The following EPM2A variants were observed in gnomAD, a reference collection of about 807,000 sequenced individuals.
The protein encoded by EPM2A is laforin.
In EPM2A, 21 loss-of-function variants were observed where a neutral mutation model predicts 26.5. The observed-to-expected ratio is 0.79, with a 90% CI of 0.56 to 1.14. EPM2A has a LOEUF of 1.14. Among genes scored for constraint, EPM2A ranks in the 50% most tolerant of loss-of-function variants. The probability of loss-of-function intolerance (pLI) is 0.00; values close to 1 mark genes in which losing one functional copy is unlikely to be tolerated. For synonymous variants in EPM2A, 217 were observed against 177.6 expected, an observed-to-expected ratio of 1.22 and a Z score of -1.76; for missense variants, 458 against 440.8, an observed-to-expected ratio of 1.04 and a Z score of -0.35.
Position 145,627,481 on chromosome 6 carries a change from C to T in EPM2A, c.931G>A (p.Ala311Thr). The T allele has an allele frequency of 6.2e-7, 1 of 1,614,258 alleles. No homozygotes were observed. Among genetic ancestry groups the T allele is most frequent in the Non-Finnish European group, 8.5e-7 (1 of 1,180,048 alleles). ...TGGAAAAAATCTTCTTGTGCCCGGG[C>T]CAAGGCCTCTTCGTCAATGTAGACA... ...PAVYIDEEAL[A>T]RAQEDFFQKF... The change falls in exon 4 of 4, where the codon GCC (alanine) becomes ACC (threonine). Residue 311 changes from alanine (A) to threonine (T), a missense_variant. Coordinates refer to ENST00000367519, the MANE Select transcript of EPM2A (RefSeq NM_005670.4).
At chr6:145,593,255 A>C (rs1781299260) in intron 2 of EPM2A, among the ~76,000 whole-genome samples, 1 of 152,164 alleles carries the variant, frequency 6.6e-6, no homozygotes, top group Non-Finnish European at 1.5e-5. Context: ...AAGACATGAC[A>C]ATTTAATTTG....
intron 4 of EPM2A, among the ~76,000 whole-genome samples, chr6:145,413,747 C>T (rs1778672906): frequency 6.6e-6 from 1 of 152,140 alleles, no homozygotes; most frequent in Non-Finnish European, 1.5e-5. Context: ...ATCTCTTGGC[C>T]ATAGTTACAA....
At chr6:145,537,642 C>T (rs544047430) in intron 2 of EPM2A, among the ~76,000 whole-genome samples, 97 of 145,632 alleles carry the variant, frequency 6.7e-4, no homozygotes, top group African/African-American at 2.3e-3. Context: ...TGTGCATGTA[C>T]GTTACATAGG....
At chr6:145,515,815 G>A (rs1291628009) in intron 2 of EPM2A, among the ~76,000 whole-genome samples, 1 of 152,162 alleles carries the variant, frequency 6.6e-6, no homozygotes, top group Non-Finnish European at 1.5e-5. Flanking sequence ...TTGTGTGAAG[G>A]GAATACAGGT....
chr6:145,668,657 T>C (rs1021780919), intron 2 of EPM2A, among the ~76,000 whole-genome samples: 2 of 152,130 alleles, frequency 1.3e-5, no homozygotes, highest in African/African-American at 4.8e-5. Flanking sequence ...TGCTACTTAT[T>C]GGCTGCTATG....
At chr6:145,498,262 C>A (rs1779846178), downstream of EPM2A, among the ~76,000 whole-genome samples, 3 of 152,206 alleles carry the variant, frequency 2.0e-5, no homozygotes, top group Admixed American at 2.0e-4. Context: ...GCTGGAATTC[C>A]AAGCCAGTGA....
chr6:145,657,089 CTTTTT>C (rs5880652), intron 2 of EPM2A, among the ~76,000 whole-genome samples: 2 of 121,824 alleles, frequency 1.6e-5, no homozygotes, highest in Non-Finnish European at 1.7e-5. Flanking sequence ...GTCATTTTTC[CTTTTT>C]TTTTTTTTTT....
Position 145,635,319 on chromosome 6 carries a change from T to C in EPM2A, c.644A>G (p.Asp215Gly). 6.2e-7 allele frequency: 1 copy of C among 1,614,154 alleles called. No homozygotes were observed. Among genetic ancestry groups the C allele is most frequent in the Non-Finnish European group, 8.5e-7 (1 of 1,179,996 alleles). ...CNRYPEPMTP[D>G]TMIKLYREEG... is the part of the protein sequence containing the mutation. ...TTCCCTATATAGTTTAATCATAGTG[T>C]CTGGAGTCATGGGCTCTGGGTAGCG... The change falls in exon 3 of 4, where the codon GAC becomes GGC. Residue 215 changes from aspartate to glycine, a missense_variant. Physicochemically the swap from Asp to Gly is moderately conservative, Grantham distance 94. Coordinates refer to ENST00000367519, the MANE Select transcript of EPM2A (RefSeq NM_005670.4).
intron 4 of EPM2A, among the ~76,000 whole-genome samples, chr6:145,425,102 T>C (rs1335407517): frequency 1.0e-5 from 1 of 99,634 alleles, no homozygotes; most frequent in Non-Finnish European, 2.5e-5. Context: ...ATTAGTAGCT[T>C]TGGATGTAAG....
At chr6:145,599,427 TCTG>T (rs1781388438) in intron 2 of EPM2A, among the ~76,000 whole-genome samples, 1 of 152,066 alleles carries the variant, frequency 6.6e-6, no homozygotes, top group Non-Finnish European at 1.5e-5. Context: ...TTCTCTTTGT[TCTG>T]CTTAGTGGAA....
At chr6:145,683,313 G>GTGTGTGTGTGTGTGTGTGTGTA (rs1178628366) in intron 2 of EPM2A, among the ~76,000 whole-genome samples, 1 of 147,372 alleles carries the variant, frequency 6.8e-6, no homozygotes, top group Non-Finnish European at 1.5e-5. Context: ...GTGTGAGTGT[G>GTGTGTGTGTGTGTGTGTGTGTA]TATATATTAG....
rs760312062 is a variant in EPM2A, at chr6:145,627,589, C to T, written c.823G>A (p.Ala275Thr). 5.0e-6 allele frequency: 8 copies of T among 1,614,242 alleles called. No homozygotes were observed. The highest frequency in any genetic ancestry group is 2.2e-5 in the South Asian group (2 of 91,090). The change falls in exon 4 of 4, where the codon GCG becomes ACG. Residue 275 changes from alanine (A) to threonine (T), a missense_variant. By Grantham distance (58) the Ala-to-Thr change is moderately conservative. Transcript: ENST00000367519. ...HCNAGVGRST[A>T]AVCGWLQYVM... The stretch of plus-strand genomic sequence containing the variant: ...TACTGGAGCCAGCCGCAGACAGCCG[C>T]GGTGGAGCGGCCCACCCCAGCGTTG...
chr6:145,392,372 C>G (rs1210747032), intron 4 of EPM2A, among the ~76,000 whole-genome samples: 3 of 152,128 alleles, frequency 2.0e-5, no homozygotes, highest in African/African-American at 4.8e-5. Flanking sequence ...TGAGAGCTAC[C>G]TTGAGTTAGA....
At chr6:145,561,409 A>G (rs1780802928) in intron 2 of EPM2A, among the ~76,000 whole-genome samples, 1 of 152,168 alleles carries the variant, frequency 6.6e-6, no homozygotes, top group South Asian at 2.1e-4. Flanking sequence ...GGACTGTACA[A>G]TAATATTCTA....
At chr6:145,587,889 C>T (rs1370405754) in intron 2 of EPM2A, among the ~76,000 whole-genome samples, 2 of 152,158 alleles carry the variant, frequency 1.3e-5, no homozygotes, top group Non-Finnish European at 2.9e-5. Context: ...AATAACTCAA[C>T]TGATGAGATT....
chr6:145,606,776 C>G (rs992473490), intron 2 of EPM2A, among the ~76,000 whole-genome samples: 11 of 152,024 alleles, frequency 7.2e-5, no homozygotes. Context: ...CATACTTTGG[C>G]AGATTTGTTT....
chr6:145,502,011 C>A (rs1343962348), intron 3 of EPM2A, among the ~76,000 whole-genome samples: 1 of 152,172 alleles, frequency 6.6e-6, no homozygotes, highest in Non-Finnish European at 1.5e-5. Flanking sequence ...AAACAGCTAA[C>A]CTCTAAACTC....
At chr6:145,571,512 T>C (rs1780955146) in intron 2 of EPM2A, among the ~76,000 whole-genome samples, 1 of 152,220 alleles carries the variant, frequency 6.6e-6, no homozygotes, top group African/African-American at 2.4e-5. Flanking sequence ...GTGTGCCAGA[T>C]AGACAAACCC....
chr6:145,669,583 T>C (rs1387945748), intron 2 of EPM2A, among the ~76,000 whole-genome samples: 1 of 152,172 alleles, frequency 6.6e-6, no homozygotes, highest in African/African-American at 2.4e-5. Flanking sequence ...GTTCACATAA[T>C]AGATTTAATT....
Sources: gnomAD v4.1 joint callset for allele counts (sites outside exome capture counted in the v4.1 genomes callset) on GRCh38, gnomAD v4.1.1 for gene constraint, MANE v1.5 for transcripts, NCBI Gene and HGNC (gene_info 2026-07-23, HGNC 2026-07-21) for gene names.